The following RYR3 variants were observed in gnomAD, a reference collection of about 807,000 sequenced individuals.
RYR3 encodes the protein brain ryanodine receptor-calcium release channel.
Under a neutral mutation model 584.3 loss-of-function variants are expected in RYR3, and 207 were observed. The observed-to-expected ratio is 0.35, with a 90% CI of 0.32 to 0.40. RYR3 has a LOEUF of 0.40. RYR3 is among the 10% of genes least tolerant of loss of function. The pLI is 1.00. For missense variants in RYR3, 5,616 were observed against 6,089.2 expected, an observed-to-expected ratio of 0.92 and a Z score of 2.59; for synonymous variants, 2,416 against 2,248.5, an observed-to-expected ratio of 1.07 and a Z score of -2.11.
At chr15:33,688,955 G>A (rs377610083) in intron 38 of RYR3, among the ~76,000 whole-genome samples, 3 of 152,202 alleles carry the variant, frequency 2.0e-5, no homozygotes, top group East Asian at 1.9e-4. Context: ...ATTCACAATA[G>A]CAAAGACTTG....
intron 1 of RYR3, among the ~76,000 whole-genome samples, chr15:33,313,839 T>C (rs1223588355): frequency 6.6e-6 from 1 of 152,168 alleles, no homozygotes; most frequent in Non-Finnish European, 1.5e-5. Context: ...GACCATACAA[T>C]AGCATTATGC....
intron 63 of RYR3, among the ~76,000 whole-genome samples, chr15:33,772,498 G>T (rs2073652290): frequency 6.6e-6 from 1 of 152,068 alleles, no homozygotes; most frequent in African/African-American, 2.4e-5. Context: ...TTTGCTCCTG[G>T]GTTTTTGAGA....
intron 80 of RYR3, among the ~76,000 whole-genome samples, chr15:33,822,473 C>G (rs1323529557): frequency 6.6e-6 from 1 of 152,236 alleles, no homozygotes; most frequent in African/African-American, 2.4e-5. Context: ...TCTAAGTTAT[C>G]CTTCACTTTC....
At position 33,696,280 on chromosome 15, in the gene RYR3, G is replaced by C. The variant is rs2065860632; in HGVS notation, c.5923G>C (p.Asp1975His). ...ICWAQEDQIQDSELVRMMFNL... is the reference protein window; with the variant it reads ...ICWAQEDQIQHSELVRMMFNL... The stretch of plus-strand genomic sequence containing the variant: ...CTGGGCCCAGGAGGACCAGATCCAG[G>C]ATTCAGAGCTGGTCCGAATGATGTT... Residue 1975 changes from aspartate (D) to histidine (H), a missense_variant, in exon 39 of 104, where the codon GAT becomes CAT. Coordinates refer to ENST00000634891, the MANE Select transcript of RYR3 (RefSeq NM_001036.6). The C allele has an allele frequency of 2.5e-6, 4 of 1,613,552 alleles. No homozygotes were observed. Among genetic ancestry groups the C allele is most frequent in the Non-Finnish European group, 3.4e-6 (4 of 1,179,620 alleles).
intron 55 of RYR3, 110 bp downstream of exon 55, chr15:33,748,640 A>C: frequency 1.1e-6 from 1 of 939,160 alleles, no homozygotes; most frequent in Non-Finnish European, 1.7e-6. Context: ...ATCACCACTA[A>C]AATTCAAAAC....
At chr15:33,863,917 C>CA (rs34801729) in intron 102 of RYR3, among the ~76,000 whole-genome samples, 2 of 152,146 alleles carry the variant, frequency 1.3e-5, no homozygotes, top group Non-Finnish European at 2.9e-5. Context: ...ATAGGGATGG[C>CA]AAAAAGCATC....
At chr15:33,752,320 CA>C (rs1159579801) in intron 57 of RYR3, among the ~76,000 whole-genome samples, 2 of 152,150 alleles carry the variant, frequency 1.3e-5, no homozygotes, top group African/African-American at 4.8e-5. Flanking sequence ...TGACTTTGGG[CA>C]GTATGGCCAT....
chr15:33,640,523 A>C (rs1463415688), intron 27 of RYR3, among the ~76,000 whole-genome samples: 1 of 152,050 alleles, frequency 6.6e-6, no homozygotes, highest in Non-Finnish European at 1.5e-5. Flanking sequence ...ATTCTCTTTT[A>C]TGTCTTCCTT....
intron 38 of RYR3, among the ~76,000 whole-genome samples, chr15:33,689,234 G>T (rs1284319260): frequency 6.6e-5 from 6 of 90,678 alleles, no homozygotes; most frequent in African/African-American, 2.5e-4. Flanking sequence ...GGGTGGGGGA[G>T]GGGGGAGGGA....
At chr15:33,467,911 G>A (rs2048612955) in intron 1 of RYR3, among the ~76,000 whole-genome samples, 1 of 152,180 alleles carries the variant, frequency 6.6e-6, no homozygotes, top group Non-Finnish European at 1.5e-5. Flanking sequence ...ATGTGGTTAT[G>A]TTTCAATGTG....
chr15:33,706,454 C>T (rs540299950), intron 42 of RYR3, among the ~76,000 whole-genome samples: 2 of 152,274 alleles, frequency 1.3e-5, no homozygotes, highest in African/African-American at 4.8e-5. Context: ...GGTTTTACTA[C>T]TCAAATTACC....
rs1013902850 is a variant in RYR3 at position 33,573,171 on chromosome 15, T to C, written c.1268+6372T>C. Among the ~76,000 whole-genome samples, 4 of 152,160 alleles carry C rather than the reference T, an allele frequency of 2.6e-5. No homozygotes were observed. The South Asian group carries it at 8.3e-4, about 32-fold the overall frequency. On this transcript the variant is annotated intron_variant, in intron 12 of 103. Transcript: ENST00000634891. ...CCCTCAAGAGGGAAATTCTTGATTC[T>C]TCCAGGCACAGGATATTTTAGAAAA...
At chr15:33,327,836 C>T (rs1969910959) in intron 1 of RYR3, among the ~76,000 whole-genome samples, 1 of 152,142 alleles carries the variant, frequency 6.6e-6, no homozygotes, top group African/African-American at 2.4e-5. Context: ...TTCATCATTT[C>T]TGCATGGTCT....
At chr15:33,528,708 C>T (rs2054599006) in intron 3 of RYR3, among the ~76,000 whole-genome samples, 1 of 152,156 alleles carries the variant, frequency 6.6e-6, no homozygotes, top group Non-Finnish European at 1.5e-5. Flanking sequence ...GTAGTGTGTG[C>T]CCAATGGTAG....
At chr15:33,677,706 G>A (rs1240804725) in intron 38 of RYR3, among the ~76,000 whole-genome samples, 1 of 152,188 alleles carries the variant, frequency 6.6e-6, no homozygotes, top group Non-Finnish European at 1.5e-5. Context: ...TGGGAGTGAA[G>A]CATTTTGCTT....
intron 27 of RYR3, among the ~76,000 whole-genome samples, chr15:33,640,546 G>A (rs944603396): frequency 5.3e-5 from 8 of 152,250 alleles, no homozygotes; most frequent in Admixed American, 5.2e-4. Flanking sequence ...GTTTAAAATG[G>A]ATTGAAAGTG....
intron 1 of RYR3, among the ~76,000 whole-genome samples, chr15:33,422,358 T>G (rs2141620295): frequency 6.6e-6 from 1 of 152,340 alleles, no homozygotes; most frequent in African/African-American, 2.4e-5. Context: ...CTTGCTCATT[T>G]ATTTAAAAAC....
Position 33,860,575 on chromosome 15 carries a change from CTTTGTAT to C in RYR3, c.14300-17_14300-11del, listed in dbSNP as rs1567354378. The C allele has an allele frequency of 6.6e-7, 1 of 1,520,838 alleles. No individual in the cohort carries two copies. The highest frequency in any genetic ancestry group is 9.0e-7 in the Non-Finnish European group (1 of 1,114,984). 94.2% of individuals were successfully genotyped at this position (1,520,838 alleles called of 1,614,324 possible). On this transcript the variant is annotated splice_polypyrimidine_tract_variant and intron_variant, in intron 100 of 103. Transcript: ENST00000634891. ...TGAACCACTACACAGATTGCTTTGT[CTTTGTAT>C]TTAACATTCCAGGTCTTATTATTGA... is the stretch of plus-strand genomic sequence containing the variant.
intron 65 of RYR3, among the ~76,000 whole-genome samples, chr15:33,783,609 A>G (rs989660944): frequency 4.6e-5 from 7 of 152,232 alleles, no homozygotes; most frequent in African/African-American, 1.7e-4. Flanking sequence ...GTGACATTTA[A>G]ACAAACGCAC....
Sources: allele counts gnomAD v4.1 joint callset (sites outside exome capture counted in the v4.1 genomes callset), GRCh38; gene constraint gnomAD v4.1.1; transcripts MANE v1.5; gene names NCBI Gene and HGNC (gene_info 2026-07-23, HGNC 2026-07-21).